The following DSCAM variants were observed in gnomAD, a reference collection of about 807,000 sequenced individuals.
DSCAM encodes the protein cell adhesion molecule DSCAM.
A neutral mutation model predicts 217.7 loss-of-function variants in DSCAM; 47 were observed. The observed-to-expected ratio is 0.22, with a 90% confidence interval of 0.17 to 0.28. DSCAM has a LOEUF of 0.28. Ranked by LOEUF, DSCAM falls within the 10% of genes least tolerant of loss-of-function variation. The pLI is 1.00. For synonymous variants in DSCAM, 1,056 were observed against 1,015.3 expected (o/e 1.04, Z -0.76); for missense variants, 2,080 against 2,618.3 (o/e 0.79, Z 4.49).
At chr21:40,587,982 G>A (rs2076958602) in intron 3 of DSCAM, among the ~76,000 whole-genome samples, 3 of 152,118 alleles carry the variant, frequency 2.0e-5, no homozygotes, top group African/African-American at 7.2e-5. Flanking sequence ...GACTTCATGC[G>A]GCCTTGTTTT....
At chr21:40,758,125 G>A (rs75349611) in intron 1 of DSCAM, among the ~76,000 whole-genome samples, 2,840 of 152,198 alleles carry the variant, frequency 0.019, 37 homozygotes, top group Non-Finnish European at 0.031. Context: ...GGACTGAGAA[G>A]GCAGCCACCA....
intron 3 of DSCAM, among the ~76,000 whole-genome samples, chr21:40,554,937 T>C (rs1019436588): frequency 2.0e-5 from 3 of 152,208 alleles, no homozygotes; most frequent in African/African-American, 7.2e-5. Context: ...TTAAAGACAA[T>C]GTTTTATTAA....
At chr21:40,300,915 C>A (rs79520837) in intron 9 of DSCAM, among the ~76,000 whole-genome samples, 11 of 152,354 alleles carry the variant, frequency 7.2e-5, no homozygotes, top group Non-Finnish European at 1.3e-4. Flanking sequence ...CACTGTTCTA[C>A]GTGATTCCTT....
chr21:40,109,350 A>T (rs2089864781), intron 20 of DSCAM, among the ~76,000 whole-genome samples: 1 of 152,230 alleles, frequency 6.6e-6, no homozygotes, highest in African/African-American at 2.4e-5. Flanking sequence ...ATGAATAGAC[A>T]CTTTTCAAAA....
At chr21:40,733,871 C>T (rs763166413) in intron 1 of DSCAM, among the ~76,000 whole-genome samples, 2 of 152,128 alleles carry the variant, frequency 1.3e-5, no homozygotes, top group Non-Finnish European at 2.9e-5. Context: ...TGCTGCCACC[C>T]GTCAGCACCA....
intron 8 of DSCAM, among the ~76,000 whole-genome samples, chr21:40,324,973 A>G (rs925749393): frequency 6.6e-6 from 1 of 152,206 alleles, no homozygotes; most frequent in Non-Finnish European, 1.5e-5. Flanking sequence ...ACAAAAGTAA[A>G]CAAGATTCAT....
chr21:40,091,138 ACT>A (rs2089603705), intron 21 of DSCAM, among the ~76,000 whole-genome samples: 1 of 151,964 alleles, frequency 6.6e-6, no homozygotes, highest in African/African-American at 2.4e-5. Flanking sequence ...GTAAATGGCA[ACT>A]CTCTGTACTA....
rs530570423 is a variant in DSCAM at position 40,594,716 on chromosome 21, T to C, written c.508+98094A>G. On this transcript the variant is annotated intron_variant, in intron 3 of 32. Transcript: ENST00000400454. The stretch of plus-strand genomic sequence containing the variant: ...ACTTGTAGATAATCAATAACTTGTA[T>C]GTAGATAAAAACTTGACTGTCTACA... Among the ~76,000 whole-genome samples the C allele has an allele frequency of 2.1e-5, 3 of 146,256 alleles. No homozygotes were observed. The East Asian group carries it at 6.4e-4, about 31-fold the overall frequency.
chr21:40,383,454 T>C (rs949948054), intron 3 of DSCAM: 10 of 152,344 alleles, frequency 6.6e-5, no homozygotes, highest in African/African-American at 2.4e-4. Context: ...TCCGGACACA[T>C]GGTGAGACTT....
chr21:40,297,718 A>G (rs545745232), intron 9 of DSCAM, among the ~76,000 whole-genome samples: 1 of 152,336 alleles, frequency 6.6e-6, no homozygotes, highest in South Asian at 2.1e-4. Flanking sequence ...GCAGCCAGAG[A>G]TGGAATTCAC....
intron 20 of DSCAM, among the ~76,000 whole-genome samples, chr21:40,098,852 A>G (rs1418610580): frequency 6.6e-6 from 1 of 152,054 alleles, no homozygotes; most frequent in Non-Finnish European, 1.5e-5. Flanking sequence ...ATGTGTATGC[A>G]CTCATTTACA....
At chr21:40,236,145 A>C (rs1726239746) in intron 11 of DSCAM, among the ~76,000 whole-genome samples, 1 of 152,198 alleles carries the variant, frequency 6.6e-6, no homozygotes, top group Non-Finnish European at 1.5e-5. Context: ...CCTTGAACTT[A>C]GCTGCCCATG....
At chr21:40,533,821 G>GA (rs904866201) in intron 3 of DSCAM, among the ~76,000 whole-genome samples, 1 of 149,208 alleles carries the variant, frequency 6.7e-6, no homozygotes, top group Non-Finnish European at 1.5e-5. Flanking sequence ...ATCTAGGTTT[G>GA]AAAATGAAGC....
intron 1 of DSCAM, among the ~76,000 whole-genome samples, chr21:40,841,586 G>A (rs992550742): frequency 6.6e-6 from 1 of 152,272 alleles, no homozygotes; most frequent in East Asian, 1.9e-4. Context: ...GGGGGCTCCC[G>A]GTCCCGGAGC....
At chr21:40,457,765 C>A (rs1405489989) in intron 3 of DSCAM, among the ~76,000 whole-genome samples, 1 of 152,130 alleles carries the variant, frequency 6.6e-6, no homozygotes, top group Admixed American at 6.5e-5. Flanking sequence ...CTTTGGACCA[C>A]AAACTTAACT....
At chr21:40,053,066 C>T (rs1220438810) in intron 29 of DSCAM, among the ~76,000 whole-genome samples, 1 of 152,186 alleles carries the variant, frequency 6.6e-6, no homozygotes, top group Non-Finnish European at 1.5e-5. Flanking sequence ...ATACTGCAGC[C>T]CTGCCCTGAC....
chr21:40,648,891 T>TTGGAC, intron 3 of DSCAM, among the ~76,000 whole-genome samples: 1 of 152,152 alleles, frequency 6.6e-6, no homozygotes, highest in African/African-American at 2.4e-5. Flanking sequence ...CTCATTCTTC[T>TTGGAC]TGGACACGGG....
chr21:40,100,407 G>T (rs1399696090), intron 20 of DSCAM, among the ~76,000 whole-genome samples: 4 of 152,106 alleles, frequency 2.6e-5, no homozygotes, highest in Non-Finnish European at 5.9e-5. Context: ...ATTAAGTTAG[G>T]ATAGCATGGA....
chr21:40,380,100 TTC>T (rs1407804881), intron 3 of DSCAM, among the ~76,000 whole-genome samples: 1 of 152,216 alleles, frequency 6.6e-6, no homozygotes, highest in Non-Finnish European at 1.5e-5. Context: ...GTAAATAAAA[TTC>T]TCTCAGTGAA....
Sources: gnomAD v4.1 joint callset for allele counts (sites outside exome capture counted in the v4.1 genomes callset) on GRCh38, gnomAD v4.1.1 for gene constraint, MANE v1.5 for transcripts, NCBI Gene and HGNC (gene_info 2026-07-23, HGNC 2026-07-21) for gene names.